The following TGS1 variants were observed in gnomAD, a reference collection of about 807,000 sequenced individuals.
TGS1 encodes the protein trimethylguanosine synthase.
Under a neutral mutation model 92.2 loss-of-function variants are expected in TGS1, and 69 were observed. The ratio of observed to expected loss-of-function variants is 0.75; its 90% CI spans 0.62 to 0.91. The LOEUF is 0.91. Ranked by LOEUF, TGS1 falls within the 40% of genes least tolerant of loss-of-function variation. The pLI, the probability that TGS1 is intolerant of heterozygous loss-of-function variation, is 0.00. For missense variants in TGS1, 1,062 were observed against 1,001.2 expected (o/e 1.06, Z -0.82); for synonymous variants, 345 against 338.1 (o/e 1.02, Z -0.22).
At chr8:55,801,918 G>A (rs2130188594) in intron 8 of TGS1, among the ~76,000 whole-genome samples, 1 of 152,238 alleles carries the variant, frequency 6.6e-6, no homozygotes, top group African/African-American at 2.4e-5. Context: ...GTTTAGGCCA[G>A]GCACAGTGGC....
rs747921227 is a variant in TGS1 at position 55,782,806 on chromosome 8, A to T, written c.160A>T (p.Asn54Tyr). The T allele has an allele frequency of 7.5e-6, 12 of 1,603,254 alleles. 1 individual carries two copies. Among genetic ancestry groups the T allele is most frequent in the East Asian group, 4.5e-5 (2 of 44,636 alleles). The change falls in exon 2 of 13, where the codon AAT (asparagine) becomes TAT (tyrosine). Residue 54 changes from asparagine (N) to tyrosine (Y), a missense_variant. By Grantham distance (143) the Asn-to-Tyr change is moderately radical. Coordinates refer to ENST00000260129, the MANE Select transcript of TGS1 (RefSeq NM_024831.8). Reference protein sequence around the residue: ...KGYYIRDSGNNSGDQATEEEE... With the variant: ...KGYYIRDSGNYSGDQATEEEE... ...CTATTACATCAGAGACAGTGGCAACAATTCAGGTAATATAGTATAAAATTC... is the reference window on the plus strand; with the variant it reads ...CTATTACATCAGAGACAGTGGCAACTATTCAGGTAATATAGTATAAAATTC...
At chr8:55,811,149 A>G (rs779713694) in intron 11 of TGS1, 52 bp downstream of exon 11, 9 of 695,172 alleles carry the variant, frequency 1.3e-5, no homozygotes, top group South Asian at 5.9e-5. Flanking sequence ...GTGGAGAGAA[A>G]GGAGCATGAG....
Position 55,786,485 on chromosome 8 carries a change from A to G in TGS1, c.587A>G (p.Glu196Gly), listed in dbSNP as rs761275038. Residue 196 changes from glutamate to glycine, a missense_variant, in exon 4 of 13, where the codon GAG becomes GGG. Transcript: ENST00000260129. ...NTLSPKLEITEKWEKYWNEYG... is the reference protein window; with the variant it reads ...NTLSPKLEITGKWEKYWNEYG... ...TTATCTCCAAAGCTAGAAATTACAGAGAAATGGGAAAAGTATTGGAATGAA... is the reference window on the plus strand; with the variant it reads ...TTATCTCCAAAGCTAGAAATTACAGGGAAATGGGAAAAGTATTGGAATGAA... The G allele has an allele frequency of 6.8e-6, 11 of 1,613,980 alleles. No individual in the cohort carries two copies. The highest frequency in any genetic ancestry group is 9.3e-6 in the Non-Finnish European group (11 of 1,180,010).
chr8:55,790,796 G>A (rs949211871), intron 5 of TGS1, among the ~76,000 whole-genome samples: 2 of 152,138 alleles, frequency 1.3e-5, no homozygotes, highest in African/African-American at 4.8e-5. Context: ...TGGGATTACA[G>A]GTGTGAGCCA....
At chr8:55,782,273 C>G (rs1457666097) in intron 1 of TGS1, among the ~76,000 whole-genome samples, 1 of 151,908 alleles carries the variant, frequency 6.6e-6, no homozygotes, top group East Asian at 1.9e-4. Flanking sequence ...CCTCTGTCTC[C>G]CGGATTTAAG....
At chr8:55,806,262 A>G (rs566214498) in intron 10 of TGS1, among the ~76,000 whole-genome samples, 7 of 151,552 alleles carry the variant, frequency 4.6e-5, no homozygotes, top group African/African-American at 1.7e-4. Flanking sequence ...AGGCTGAGAC[A>G]AGAGAATCGC....
Position 55,826,042 on chromosome 8 carries a change from G to T in TGS1, c.*1339G>T, listed in dbSNP as rs1446463168. Among the ~76,000 whole-genome samples, 4 of 151,760 alleles carry T rather than the reference G, an allele frequency of 2.6e-5. No homozygotes were observed. The highest frequency in any genetic ancestry group is 9.7e-5 in the African/African-American group (4 of 41,226). On this transcript the variant is annotated 3_prime_UTR_variant, in exon 13 of 13. Coordinates refer to ENST00000260129, the MANE Select transcript of TGS1 (RefSeq NM_024831.8). Reference sequence around the variant, plus strand: ...ATTTTTTATATTTTTAGTAGCTATGGGGTTTCACCGTGTTAGCCAGGATGG... The same window carrying T: ...ATTTTTTATATTTTTAGTAGCTATGTGGTTTCACCGTGTTAGCCAGGATGG...
At chr8:55,782,464 G>A (rs1481355474) in intron 1 of TGS1, among the ~76,000 whole-genome samples, 2 of 152,182 alleles carry the variant, frequency 1.3e-5, no homozygotes, top group Non-Finnish European at 2.9e-5. Context: ...ACAGGTGGGA[G>A]CCACTGTGCC....
intron 2 of TGS1, among the ~76,000 whole-genome samples, chr8:55,784,963 T>C (rs900499667): frequency 2.6e-5 from 4 of 152,186 alleles, no homozygotes; most frequent in Admixed American, 2.6e-4. Context: ...GGATGAATAG[T>C]GGCAGGCAGA....
intron 10 of TGS1, among the ~76,000 whole-genome samples, chr8:55,809,162 A>G (rs1803272415): frequency 6.6e-6 from 1 of 152,230 alleles, no homozygotes; most frequent in Non-Finnish European, 1.5e-5. Flanking sequence ...CATTGCATAT[A>G]GTTGAGGTTA....
chr8:55,781,994 A>G (rs1292910147), intron 1 of TGS1, among the ~76,000 whole-genome samples: 1 of 152,116 alleles, frequency 6.6e-6, no homozygotes, highest in African/African-American at 2.4e-5. Flanking sequence ...TTCACAATGG[A>G]TAGTTTGTCT....
At chr8:55,779,046 G>A (rs1811479834) in intron 1 of TGS1, among the ~76,000 whole-genome samples, 1 of 152,106 alleles carries the variant, frequency 6.6e-6, no homozygotes, top group Non-Finnish European at 1.5e-5. Flanking sequence ...CAGTAGTTAA[G>A]ATTTATTTAG....
At position 55,826,283 on chromosome 8, in the gene TGS1, A is replaced by T. The variant is rs1803790448; in HGVS notation, c.*1580A>T. Among the ~76,000 whole-genome samples the T allele has an allele frequency of 6.6e-6, 1 of 151,978 alleles. No homozygotes were observed. The highest frequency in any genetic ancestry group is 1.5e-5 in the Non-Finnish European group (1 of 67,994). ...ACTTCTTTCCACAGCTCATTTTCTT[A>T]CTTGTATATTAATAAAGCTAACTCA... On this transcript the variant is annotated 3_prime_UTR_variant, in exon 13 of 13. Coordinates refer to ENST00000260129, the MANE Select transcript of TGS1 (RefSeq NM_024831.8).
rs764047384 is a variant in TGS1 at position 55,813,150 on chromosome 8, T to C, written c.2439+32T>C. ...CATTACTGAAAAACTTCCATGAGTGTCTGTCTTAACTGTTACAAGTACGGT... is the reference window on the plus strand; with the variant it reads ...CATTACTGAAAAACTTCCATGAGTGCCTGTCTTAACTGTTACAAGTACGGT... On this transcript the variant is annotated intron_variant, in intron 12 of 12. Transcript: ENST00000260129. The C allele has an allele frequency of 1.7e-5, 25 of 1,464,898 alleles. No individual in the cohort carries two copies. In the South Asian group the frequency reaches 2.8e-4, roughly 16 times the overall value. The allele number at this position is 1,464,898 out of a possible 1,614,324, so 90.7% of individuals were successfully genotyped here.
chr8:55,801,712 C>T (rs890809922), intron 8 of TGS1, among the ~76,000 whole-genome samples: 1 of 150,248 alleles, frequency 6.7e-6, no homozygotes, highest in East Asian at 2.0e-4. Flanking sequence ...TCTCAGCCTC[C>T]CAAGTAGCTG....
chr8:55,805,061 A>T, intron 10 of TGS1, 25 bp downstream of exon 10: 1 of 1,609,266 alleles, frequency 6.2e-7, no homozygotes. Context: ...ATGGAAGTGA[A>T]CTATTTTATG....
Position 55,799,180 on chromosome 8 carries a change from TACTC to T in TGS1, c.1811_1814del (p.Thr604LysfsTer15). ...CTGTTCCAGATGAGCAGGATTGTGT[TACTC>T]AAGAAGTGCCAGACTCCCGCCAGGC... On this transcript the variant is annotated frameshift_variant, in exon 8 of 13. Transcript: ENST00000260129. LOFTEE classifies it high-confidence loss of function. The T allele has an allele frequency of 6.2e-7, 1 of 1,613,776 alleles. No individual in the cohort carries two copies. The highest frequency in any genetic ancestry group is 1.3e-5 in the African/African-American group (1 of 75,018).
At chr8:55,821,238 A>G (rs1803625921) in intron 12 of TGS1, among the ~76,000 whole-genome samples, 1 of 152,212 alleles carries the variant, frequency 6.6e-6, no homozygotes, top group Non-Finnish European at 1.5e-5. Context: ...CATTATCAGG[A>G]ACAATATTTG....
rs533795107 is a variant in TGS1 at position 55,776,124 on chromosome 8, C to T, written c.101+2405C>T. On this transcript the variant is annotated intron_variant, in intron 1 of 12. Transcript: ENST00000260129. ...TGTCTCAAGAGCCGAGCAACCCGAG[C>T]GAGCAATTCCTGTCCCTTTTAAGGG... Among the ~76,000 whole-genome samples the T allele has an allele frequency of 2.0e-5, 3 of 152,122 alleles. No individual in the cohort carries two copies. The South Asian group carries it at 6.2e-4, about 32-fold the overall frequency.
Sources: allele counts gnomAD v4.1 joint callset (sites outside exome capture counted in the v4.1 genomes callset), GRCh38; gene constraint gnomAD v4.1.1; transcripts MANE v1.5; gene names NCBI Gene and HGNC (gene_info 2026-07-23, HGNC 2026-07-21).